Variants in RBFOX1 observed in about 807,000 individuals in gnomAD.
The protein encoded by RBFOX1 is RNA binding protein fox-1 homolog 1.
RBFOX1 carries 8 observed loss-of-function variants against 57.7 expected under a neutral mutation model. That is an observed-to-expected ratio of 0.14 (90% CI 0.08 to 0.25). The LOEUF (loss-of-function observed/expected upper bound fraction) is 0.25. Among genes scored for constraint, RBFOX1 ranks in the 10% least tolerant of loss-of-function variants. The pLI, the probability that RBFOX1 is intolerant of heterozygous loss-of-function variation, is 1.00. For synonymous variants in RBFOX1, 326 were observed against 222.4 expected, an observed-to-expected ratio of 1.47 and a Z score of -4.15; for missense variants, 611 against 548.5, an observed-to-expected ratio of 1.11 and a Z score of -1.14.
At chr16:6,923,826 C>G (rs1597350187) in intron 3 of RBFOX1, among the ~76,000 whole-genome samples, 1 of 152,100 alleles carries the variant, frequency 6.6e-6, no homozygotes, top group African/African-American at 2.4e-5. Flanking sequence ...AAACTTCAGG[C>G]AAGTGACTGA....
intron 1 of RBFOX1, among the ~76,000 whole-genome samples, chr16:6,268,222 G>A (rs74005056): frequency 0.035 from 5,363 of 152,232 alleles, 257 homozygotes; most frequent in African/African-American, 0.11. Flanking sequence ...AAATGCTTTT[G>A]TTTTGAATCT....
chr16:6,521,892 G>T (rs890005827), intron 2 of RBFOX1, among the ~76,000 whole-genome samples: 1 of 152,116 alleles, frequency 6.6e-6, no homozygotes, highest in Non-Finnish European at 1.5e-5. Flanking sequence ...ATTTTAATCT[G>T]TGTTTGGGTC....
chr16:7,091,099 A>G (rs1322690155), intron 4 of RBFOX1, among the ~76,000 whole-genome samples: 1 of 151,180 alleles, frequency 6.6e-6, no homozygotes, highest in Non-Finnish European at 1.5e-5. Flanking sequence ...TACAATAGGT[A>G]TTTGTTTGAC....
chr16:6,146,349 T>C (rs116370252), intron 1 of RBFOX1, among the ~76,000 whole-genome samples: 31 of 152,318 alleles, frequency 2.0e-4, no homozygotes, highest in African/African-American at 6.3e-4. Context: ...TAATGGAAAG[T>C]AAGTCCAGAT....
chr16:5,859,868 A>C (rs2151884147), intron 3 of RBFOX1, among the ~76,000 whole-genome samples: 1 of 152,326 alleles, frequency 6.6e-6, no homozygotes, highest in South Asian at 2.1e-4. Context: ...GAATCTAGGC[A>C]GCGCCTGCTG....
intron 3 of RBFOX1, among the ~76,000 whole-genome samples, chr16:5,799,152 A>G (rs936989755): frequency 1.3e-5 from 2 of 152,116 alleles, no homozygotes; most frequent in Non-Finnish European, 2.9e-5. Context: ...GCAGCAGACA[A>G]GAGATAATGA....
chr16:5,302,946 G>C (rs1217124789), intron 1 of RBFOX1, among the ~76,000 whole-genome samples: 2 of 152,162 alleles, frequency 1.3e-5, no homozygotes, highest in Non-Finnish European at 2.9e-5. Flanking sequence ...TTATGGATAT[G>C]GTCAGGTTTA....
chr16:6,556,862 T>A (rs1295575824), intron 2 of RBFOX1, among the ~76,000 whole-genome samples: 1 of 151,910 alleles, frequency 6.6e-6, no homozygotes, highest in Non-Finnish European at 1.5e-5. Flanking sequence ...CTGGTGACTG[T>A]CTTCTGAGGA....
At chr16:6,996,180 T>C (rs1346359414) in intron 3 of RBFOX1, among the ~76,000 whole-genome samples, 1 of 152,244 alleles carries the variant, frequency 6.6e-6, no homozygotes, top group Non-Finnish European at 1.5e-5. Context: ...CAGTTCCCGA[T>C]AAATCATTGC....
chr16:6,789,102 T>A (rs2082471129), intron 3 of RBFOX1, among the ~76,000 whole-genome samples: 1 of 152,116 alleles, frequency 6.6e-6, no homozygotes, highest in South Asian at 2.1e-4. Flanking sequence ...ACAGCCTCCC[T>A]GAATTTACCA....
chr16:6,822,352 G>A (rs547830358), intron 3 of RBFOX1, among the ~76,000 whole-genome samples: 2 of 152,266 alleles, frequency 1.3e-5, no homozygotes, highest in South Asian at 4.2e-4. Context: ...CCATTCTGTG[G>A]TCTGTTACTG....
intron 3 of RBFOX1, among the ~76,000 whole-genome samples, chr16:6,839,685 G>A (rs762608106): frequency 1.3e-5 from 2 of 152,166 alleles, no homozygotes; most frequent in Non-Finnish European, 2.9e-5. Context: ...TAATTAAGAT[G>A]CTGTTCACTG....
At chr16:7,474,158 A>G (rs1213706590) in intron 4 of RBFOX1, among the ~76,000 whole-genome samples, 1 of 152,088 alleles carries the variant, frequency 6.6e-6, no homozygotes, top group Non-Finnish European at 1.5e-5. Context: ...ATGGTGGCGC[A>G]TGCCTGTAGT....
chr16:7,567,453 G>A (rs55833651), intron 5 of RBFOX1, among the ~76,000 whole-genome samples: 7 of 92,344 alleles, frequency 7.6e-5, no homozygotes. Context: ...ATATCCCTAT[G>A]TATGGCCCTA....
intron 1 of RBFOX1, among the ~76,000 whole-genome samples, chr16:6,046,634 G>A (rs1397636726): frequency 1.3e-5 from 2 of 152,106 alleles, no homozygotes; most frequent in African/African-American, 4.8e-5. Context: ...AGAAAAATTG[G>A]CCCAAGGTTA....
At chr16:5,902,166 A>G (rs1381271681) in intron 4 of RBFOX1, among the ~76,000 whole-genome samples, 1 of 152,186 alleles carries the variant, frequency 6.6e-6, no homozygotes, top group Non-Finnish European at 1.5e-5. Flanking sequence ...ATATTCCAGA[A>G]AATTTATTTA....
rs549171474 is a variant in RBFOX1, at chr16:7,521,250, T to G, written c.270+2861T>G. On this transcript the variant is annotated intron_variant, in intron 5 of 15. Coordinates refer to ENST00000550418, the MANE Select transcript of RBFOX1 (RefSeq NM_018723.4). ...AGAAGAGGCCAGTATGTTTTGGGCA[T>G]GATGAAGGGGATTTGGAGGTGATGT... Among the ~76,000 whole-genome samples the G allele has an allele frequency of 3.9e-5, 6 of 152,214 alleles. No individual in the cohort carries two copies. The South Asian group carries it at 1.2e-3, about 32-fold the overall frequency.
intron 4 of RBFOX1, among the ~76,000 whole-genome samples, chr16:5,908,113 CATAT>C (rs1156902761): frequency 8.8e-5 from 12 of 136,094 alleles, no homozygotes; most frequent in African/African-American, 3.6e-4. Context: ...TATATATACA[CATAT>C]ATACACATAT....
At chr16:7,664,515 T>C (rs1037728362) in intron 12 of RBFOX1, among the ~76,000 whole-genome samples, 6 of 152,192 alleles carry the variant, frequency 3.9e-5, no homozygotes, top group Admixed American at 1.3e-4. Context: ...TACAATCCGA[T>C]TTTTAAATAG....
Sources: allele counts gnomAD v4.1 joint callset (sites outside exome capture counted in the v4.1 genomes callset), GRCh38; gene constraint gnomAD v4.1.1; transcripts MANE v1.5; gene names NCBI Gene and HGNC (gene_info 2026-07-23, HGNC 2026-07-21).